The following NELL1 variants were observed in gnomAD, a reference collection of about 807,000 sequenced individuals.
NELL1 encodes the protein neural EGFL like 1.
Under a neutral mutation model 107.4 loss-of-function variants are expected in NELL1, and 76 were observed. The ratio of observed to expected loss-of-function variants is 0.71; its 90% CI spans 0.59 to 0.86. The LOEUF is 0.86. NELL1 is among the 40% of genes least tolerant of loss of function. The pLI is 0.00. For missense variants in NELL1, 1,024 were observed against 1,005.5 expected (o/e 1.02, Z -0.25); for synonymous variants, 353 against 341.2 (o/e 1.03, Z -0.38).
chr11:21,461,288 C>A (rs1853894398), intron 15 of NELL1, among the ~76,000 whole-genome samples: 1 of 152,152 alleles, frequency 6.6e-6, no homozygotes, highest in African/African-American at 2.4e-5. Flanking sequence ...TTTGGACCCA[C>A]CACTTATTAG....
intron 2 of NELL1, among the ~76,000 whole-genome samples, chr11:20,699,438 G>A (rs985165403): frequency 6.6e-6 from 1 of 151,208 alleles, no homozygotes; most frequent in South Asian, 2.1e-4. Flanking sequence ...TCCGCTCACT[G>A]CAACCTCTAC....
At chr11:21,030,769 A>G (rs1241128017) in intron 12 of NELL1, among the ~76,000 whole-genome samples, 1 of 152,120 alleles carries the variant, frequency 6.6e-6, no homozygotes, top group Non-Finnish European at 1.5e-5. Context: ...TCATTTAGAG[A>G]ATAAAGACAA....
At chr11:20,670,501 G>A (rs1853874303) in intron 1 of NELL1, 1 of 152,114 alleles carries the variant, frequency 6.6e-6, no homozygotes, top group Non-Finnish European at 1.5e-5. Context: ...GAGCAAGGAT[G>A]ACGCTTGATT....
chr11:21,485,864 T>C (rs900836143), intron 15 of NELL1, among the ~76,000 whole-genome samples: 2 of 151,914 alleles, frequency 1.3e-5, no homozygotes, highest in African/African-American at 2.4e-5. Context: ...CCCAGCCCAA[T>C]CCACATGTGT....
intron 13 of NELL1, among the ~76,000 whole-genome samples, chr11:21,132,059 C>G (rs563574884): frequency 5.2e-4 from 79 of 152,250 alleles, no homozygotes; most frequent in African/African-American, 1.8e-3. Context: ...AATATCACCC[C>G]TCTGGCATTG....
chr11:20,788,639 T>C (rs910370614), intron 3 of NELL1, among the ~76,000 whole-genome samples: 12 of 152,178 alleles, frequency 7.9e-5, no homozygotes, highest in African/African-American at 2.9e-4. Flanking sequence ...CTGTGGGCGA[T>C]CTTTTCATTT....
At chr11:21,446,187 T>A (rs1049433675) in intron 15 of NELL1, among the ~76,000 whole-genome samples, 15 of 152,096 alleles carry the variant, frequency 9.9e-5, no homozygotes, top group Non-Finnish European at 1.9e-4. Context: ...TTCTGCTTGA[T>A]TTTTTAAAAT....
chr11:20,857,082 T>C (rs1848895339), intron 4 of NELL1, among the ~76,000 whole-genome samples: 1 of 152,146 alleles, frequency 6.6e-6, no homozygotes, highest in Admixed American at 6.5e-5. Context: ...GTAAAAGGTA[T>C]AACTGCCCTG....
chr11:21,008,089 TA>T (rs900154389), intron 12 of NELL1, among the ~76,000 whole-genome samples: 3 of 152,130 alleles, frequency 2.0e-5, no homozygotes, highest in Non-Finnish European at 4.4e-5. Context: ...AACTACTTGG[TA>T]AAAGAGGTTG....
chr11:20,972,572 C>T (rs116042021), intron 12 of NELL1, among the ~76,000 whole-genome samples: 53 of 152,118 alleles, frequency 3.5e-4, no homozygotes, highest in African/African-American at 1.1e-3. Context: ...GGTTGATGTA[C>T]GAGTTTGGAG....
At chr11:20,951,503 G>T (rs1851067948) in intron 11 of NELL1, among the ~76,000 whole-genome samples, 1 of 152,028 alleles carries the variant, frequency 6.6e-6, no homozygotes, top group Non-Finnish European at 1.5e-5. Context: ...CAACAAACTG[G>T]TCTCCAAGCT....
chr11:21,348,904 A>AAAGTTGGGCTGG (rs1850742070), intron 14 of NELL1, among the ~76,000 whole-genome samples: 1 of 152,178 alleles, frequency 6.6e-6, no homozygotes, highest in Admixed American at 6.5e-5. Context: ...AAACTTTAGG[A>AAAGTTGGGCTGG]AAGTTGGGCT....
At chr11:21,302,021 G>T (rs369724840) in intron 14 of NELL1, among the ~76,000 whole-genome samples, 1 of 151,978 alleles carries the variant, frequency 6.6e-6, no homozygotes, top group African/African-American at 2.4e-5. Context: ...TCCATGCTTG[G>T]CTCTTAAGCC....
intron 15 of NELL1, among the ~76,000 whole-genome samples, chr11:21,450,811 T>C (rs1853557644): frequency 6.6e-6 from 1 of 151,840 alleles, no homozygotes; most frequent in Non-Finnish European, 1.5e-5. Context: ...TAATATAATA[T>C]TTTTTTCTGT....
chr11:21,534,531 C>T lies in NELL1; in HGVS notation c.1786+17C>T. 1 of 1,613,354 alleles carries T rather than the reference C, an allele frequency of 6.2e-7. No individual in the cohort carries two copies. Among genetic ancestry groups the T allele is most frequent in the Non-Finnish European group, 8.5e-7 (1 of 1,179,526 alleles). On this transcript the variant is annotated intron_variant, in intron 16 of 19. Transcript: ENST00000357134. ...CCTGTATTGGTAAGCAGCTTTCAGG[C>T]ATGCCCTCCAACTGCTTGGACCTTT...
At chr11:21,269,350 C>CCTCTCTCT (rs67054627) in intron 14 of NELL1, among the ~76,000 whole-genome samples, 2 of 147,558 alleles carry the variant, frequency 1.4e-5, no homozygotes, top group South Asian at 2.2e-4. Flanking sequence ...TTGCCAAATC[C>CCTCTCTCT]CTCTCTCTCT....
At position 21,393,437 on chromosome 11, in the gene NELL1, C is replaced by T. The variant is rs77354771; in HGVS notation, c.1645+22489C>T. ...AAAAAAGTAGTTAAACTGCAAACAA[C>T]GCTGAATAGAAAACAGTAAAGCTAA... On this transcript the variant is annotated intron_variant, in intron 15 of 19. Transcript: ENST00000357134. Among the ~76,000 whole-genome samples, 1,222 of 151,624 alleles carry T rather than the reference C, an allele frequency of 8.1e-3. 10 individuals are homozygous for T. The highest frequency in any genetic ancestry group is 0.013 in the Non-Finnish European group (904 of 67,742).
At chr11:21,347,115 C>T (rs564132862) in intron 14 of NELL1, among the ~76,000 whole-genome samples, 1 of 152,208 alleles carries the variant, frequency 6.6e-6, no homozygotes, top group East Asian at 1.9e-4. Flanking sequence ...GGTAAAGGCA[C>T]AGAGTGGCAG....
intron 14 of NELL1, among the ~76,000 whole-genome samples, chr11:21,349,662 T>C (rs1472405973): frequency 6.6e-6 from 1 of 152,078 alleles, no homozygotes; most frequent in East Asian, 1.9e-4. Flanking sequence ...CACTTGAGTT[T>C]GGGAATGTAT....
Sources: gnomAD v4.1 joint callset for allele counts (sites outside exome capture counted in the v4.1 genomes callset) on GRCh38, gnomAD v4.1.1 for gene constraint, MANE v1.5 for transcripts, NCBI Gene and HGNC (gene_info 2026-07-23, HGNC 2026-07-21) for gene names.